The following TPO variants were observed in gnomAD, a reference collection of about 807,000 sequenced individuals.
The protein encoded by TPO is thyroid microsomal antigen.
TPO carries 78 observed loss-of-function variants against 96.9 expected under a neutral mutation model. The observed-to-expected ratio is 0.81, with a 90% CI of 0.67 to 0.97. The LOEUF (loss-of-function observed/expected upper bound fraction) is 0.97. Ranked by LOEUF, TPO falls within the 50% of genes least tolerant of loss-of-function variation. The pLI is 0.00. For synonymous variants in TPO, 547 were observed against 538.0 expected, an observed-to-expected ratio of 1.02 and a Z score of -0.23; for missense variants, 1,252 against 1,274.8, an observed-to-expected ratio of 0.98 and a Z score of 0.27.
chr2:1,541,285 G>GCCCCATGCCGTGCAGCAGA, intron 16 of TPO: 1 of 850,770 alleles, frequency 1.2e-6, no homozygotes, highest in Non-Finnish European at 1.5e-6. Flanking sequence ...GGAGGAGGGC[G>GCCCCATGCCGTGCAGCAGA]CCTCAGGTCT....
chr2:1,379,668 G>T (rs753428935), intron 1 of TPO, among the ~76,000 whole-genome samples: 1 of 152,144 alleles, frequency 6.6e-6, no homozygotes, highest in Non-Finnish European at 1.5e-5. Flanking sequence ...TTCCCTGTGT[G>T]GGGACTAAAC....
intron 1 of TPO, among the ~76,000 whole-genome samples, chr2:1,388,513 C>A (rs971844994): frequency 2.0e-5 from 3 of 152,158 alleles, no homozygotes; most frequent in Admixed American, 6.5e-5. Flanking sequence ...CCGAGCCAGG[C>A]GTAGGGTATA....
In TPO at chr2:1,528,294, CAA is replaced by C. The variant is rs1348917362; in HGVS notation, c.2618+11314_2618+11315del. On this transcript the variant is annotated intron_variant, in intron 15 of 16. Transcript: ENST00000329066. ...ATCTCCCCCACAGTGAGCAAAAACA[CAA>C]ATTCCCCCACTGTGTGCAACCTCCA... 3.1e-5 allele frequency among the ~76,000 whole-genome samples: 4 copies of C among 127,022 alleles called. No homozygotes were observed. In the Admixed American group the frequency reaches 3.6e-4, roughly 11 times the overall value. The allele number at this position is 127,022 out of a possible 152,430, so 83.3% of individuals were successfully genotyped here.
chr2:1,480,773 CCTGCATCCGTCCACACCACCTTCCTCCTG>C (rs1158995226), intron 8 of TPO, among the ~76,000 whole-genome samples: 44 of 94,018 alleles, frequency 4.7e-4, no homozygotes, highest in East Asian at 4.6e-3. Context: ...CCTCCCTCCT[CCTGCATCCGTCCACACCACCTTCCTCCTG>C]CTGCATCCGT....
intron 14 of TPO, among the ~76,000 whole-genome samples, chr2:1,516,614 A>G (rs1432561713): frequency 6.6e-6 from 1 of 152,186 alleles, no homozygotes; most frequent in African/African-American, 2.4e-5. Flanking sequence ...GGACGCGTCC[A>G]TGCCGAACCC....
chr2:1,448,751 G>A (rs1006766113), intron 5 of TPO, among the ~76,000 whole-genome samples: 1 of 152,204 alleles, frequency 6.6e-6, no homozygotes, highest in Non-Finnish European at 1.5e-5. Context: ...CAGAATCAGA[G>A]CACATTTGTT....
chr2:1,517,016 A>G, intron 15 of TPO, 34 bp downstream of exon 15: 2 of 1,605,750 alleles, frequency 1.2e-6, no homozygotes, highest in South Asian at 1.1e-5. Flanking sequence ...TTACTTAGAC[A>G]CAAAGCAATC....
intron 7 of TPO, among the ~76,000 whole-genome samples, chr2:1,462,517 A>AACACACACACACACACACAC (rs35553172): frequency 1.5e-5 from 2 of 131,586 alleles, no homozygotes; most frequent in African/African-American, 6.5e-5. Flanking sequence ...TGTGTAGGTA[A>AACACACACACACACACACAC]ACACACACAC....
chr2:1,533,420 CA>C (rs1284150457), intron 15 of TPO, among the ~76,000 whole-genome samples: 4 of 131,864 alleles, frequency 3.0e-5, no homozygotes, highest in Non-Finnish European at 4.8e-5. Context: ...CAAATCCCCC[CA>C]AATGTGTGCA....
At position 1,414,257 on chromosome 2, in the gene TPO, G is replaced by T. The variant is rs1388867906; in HGVS notation, c.-1-151G>T. 3 of 742,440 alleles carry T rather than the reference G, an allele frequency of 4.0e-6. No homozygotes were observed. In the South Asian group the frequency reaches 4.5e-5, roughly 11 times the overall value. The allele number at this position is 742,440 out of a possible 1,614,324, so 46.0% of individuals were successfully genotyped here. A position where few individuals can be genotyped will look rare whatever the true frequency, so the allele number is the denominator to read the frequency against. ...TGACATGGACGGCGACTCTGGTCTCGCAGACCCCAGGCCTGTGAGGGTCGC... is the reference window on the plus strand; with the variant it reads ...TGACATGGACGGCGACTCTGGTCTCTCAGACCCCAGGCCTGTGAGGGTCGC... On this transcript the variant is annotated intron_variant, in intron 1 of 16. Transcript: ENST00000329066.
rs776308825 is a variant in TPO at position 1,434,065 on chromosome 2, A to T, written c.349+458A>T. Among the ~76,000 whole-genome samples the T allele has an allele frequency of 3.8e-4, 58 of 152,148 alleles. 1 individual carries two copies. The highest frequency in any genetic ancestry group is 7.9e-4 in the Non-Finnish European group (54 of 68,018). ...ACCCAGGACATTTGAGAGCCAATTT[A>T]CTCATCTCTAAAATGAGGACAGTGG... On this transcript the variant is annotated intron_variant, in intron 4 of 16. Coordinates refer to ENST00000329066, the MANE Select transcript of TPO (RefSeq NM_001206744.2).
chr2:1,495,779 A>T (rs1223520517), intron 11 of TPO, among the ~76,000 whole-genome samples: 1 of 143,390 alleles, frequency 7.0e-6, no homozygotes, highest in Non-Finnish European at 1.5e-5. Context: ...CCTGCACCTG[A>T]GTGGTCCCGG....
intron 14 of TPO, chr2:1,512,595 C>G: frequency 1.8e-6 from 1 of 563,978 alleles, no homozygotes; most frequent in Non-Finnish European, 2.2e-6. Flanking sequence ...CAGAACACGT[C>G]TTCCCGCTGA....
chr2:1,378,568 G>A (rs534083752), intron 1 of TPO, among the ~76,000 whole-genome samples: 3 of 152,236 alleles, frequency 2.0e-5, no homozygotes, highest in East Asian at 1.9e-4. Flanking sequence ...CTGAGAAAGC[G>A]TCAAATGTGG....
Position 1,493,847 on chromosome 2 carries a change from C to A in TPO, c.1814C>A (p.Thr605Asn), listed in dbSNP as rs960179330. 1.2e-6 allele frequency: 2 copies of A among 1,614,142 alleles called. No homozygotes were observed. Among genetic ancestry groups the A allele is most frequent in the Non-Finnish European group, 1.7e-6 (2 of 1,180,022 alleles). ...REFCGLPRLE[T>N]PADLSTAIAS... The stretch of plus-strand genomic sequence containing the variant: ...TTCTGCGGCCTGCCTCGCCTGGAGA[C>A]CCCCGCTGACCTGAGCACAGCCATC... The change falls in exon 11 of 17, where the codon ACC (threonine) becomes AAC (asparagine). Residue 605 changes from threonine to asparagine, a missense_variant. By Grantham distance (65) the Thr-to-Asn change is moderately conservative. Coordinates refer to ENST00000329066, the MANE Select transcript of TPO (RefSeq NM_001206744.2).
At chr2:1,384,378 T>G (rs1332411303) in intron 1 of TPO, among the ~76,000 whole-genome samples, 2 of 152,200 alleles carry the variant, frequency 1.3e-5, no homozygotes, top group Non-Finnish European at 2.9e-5. Context: ...GTATCCTCTT[T>G]TATTTCATTG....
Position 1,516,905 on chromosome 2 carries a change from G to A in TPO, c.2541G>A (p.Val847=), listed in dbSNP as rs61734476. The part of the protein sequence containing the change: ...TCVDSGRLPR[V]TWISMSLAAL... Reference sequence around the variant, plus strand: ...CAGACTCCGGGAGGCTCCCTCGGGTGACTTGGATCTCCATGTCGCTGGCTG... The same window carrying A: ...CAGACTCCGGGAGGCTCCCTCGGGTAACTTGGATCTCCATGTCGCTGGCTG... Residue 847 remains valine, a synonymous_variant, in exon 15 of 17, where the codon GTG becomes GTA. Transcript: ENST00000329066. The A allele has an allele frequency of 3.2e-4, 511 of 1,613,948 alleles. 2 individuals carry two copies. The African/African-American group carries it at 6.2e-3, about 19-fold the overall frequency.
Position 1,540,669 on chromosome 2 carries a change from G to A in TPO, c.2694G>A (p.Lys898=). The change falls in exon 16 of 17, where the codon AAG becomes AAA. Residue 898 remains lysine (K), a synonymous_variant. Transcript: ENST00000329066. The part of the protein sequence containing the change: ...GGGTPELRCG[K]HQAVGTSPQR... Reference sequence around the variant, plus strand: ...GAACTCCCGAGCTGAGATGCGGAAAGCACCAGGCCGTAGGGACCTCACCGC... The same window carrying A: ...GAACTCCCGAGCTGAGATGCGGAAAACACCAGGCCGTAGGGACCTCACCGC... 6.2e-7 allele frequency: 1 copy of A among 1,613,444 alleles called. No homozygotes were observed. The highest frequency in any genetic ancestry group is 8.5e-7 in the Non-Finnish European group (1 of 1,180,024).
At chr2:1,506,746 G>T (rs1302468585) in intron 14 of TPO, among the ~76,000 whole-genome samples, 1 of 152,044 alleles carries the variant, frequency 6.6e-6, no homozygotes, top group Non-Finnish European at 1.5e-5. Context: ...TTTTTTTCTT[G>T]TAAATTTGTT....
Sources: allele counts gnomAD v4.1 joint callset (sites outside exome capture counted in the v4.1 genomes callset), GRCh38; gene constraint gnomAD v4.1.1; transcripts MANE v1.5; gene names NCBI Gene and HGNC (gene_info 2026-07-23, HGNC 2026-07-21).